IL1RAPL2: variants seen among roughly 807,000 people sequenced by gnomAD.
IL1RAPL2 encodes the protein interleukin 1 receptor accessory protein like 2, also known as X-linked interleukin-1 receptor accessory protein-like 2.
A neutral mutation model predicts 44.1 loss-of-function variants in IL1RAPL2; 3 were observed. That is an observed-to-expected ratio of 0.07 (90% CI 0.03 to 0.18). The LOEUF is 0.18. Among genes scored for constraint, IL1RAPL2 ranks in the 10% least tolerant of loss-of-function variants. The probability of loss-of-function intolerance (pLI) is 1.00; values close to 1 mark genes in which losing one functional copy is unlikely to be tolerated. For missense variants in IL1RAPL2, 391 were observed against 496.4 expected (o/e 0.79, Z 2.02); for synonymous variants, 181 against 178.8 (o/e 1.01, Z -0.10).
At chrX:105,605,997 G>A (rs1569458129) in intron 6 of IL1RAPL2, among the ~76,000 whole-genome samples, 1 of 111,254 alleles carries the variant, frequency 9.0e-6, no homozygotes, top group Admixed American at 9.6e-5. Flanking sequence ...AAAACGACTA[G>A]AAAAATGCAT....
intron 1 of IL1RAPL2, among the ~76,000 whole-genome samples, chrX:104,625,831 A>G (rs776658485): frequency 9.9e-5 from 11 of 111,525 alleles, no homozygotes; most frequent in Admixed American, 3.8e-4. Flanking sequence ...GGGACTCTTA[A>G]TGGTATGACG....
intron 2 of IL1RAPL2, among the ~76,000 whole-genome samples, chrX:104,683,652 A>G (rs946454850): frequency 8.9e-6 from 1 of 112,886 alleles, no homozygotes; most frequent in Non-Finnish European, 1.9e-5. Context: ...TCATGATCCA[A>G]TATTATGGCT....
At chrX:105,053,142 TC>T (rs1439902096) in intron 2 of IL1RAPL2, among the ~76,000 whole-genome samples, 1 of 111,250 alleles carries the variant, frequency 9.0e-6, no homozygotes, top group Non-Finnish European at 1.9e-5. Context: ...CATCAAAACT[TC>T]CTGTACTGCC....
chrX:105,291,758 C>G (rs765898137), intron 5 of IL1RAPL2, among the ~76,000 whole-genome samples: 3 of 111,227 alleles, frequency 2.7e-5, no homozygotes, highest in Non-Finnish European at 5.7e-5. Flanking sequence ...AGCCCAAGGA[C>G]TCCTAGGGCC....
intron 6 of IL1RAPL2, among the ~76,000 whole-genome samples, chrX:105,669,295 T>C (rs2037797119): frequency 9.0e-6 from 1 of 111,654 alleles, no homozygotes; most frequent in African/African-American, 3.3e-5. Flanking sequence ...CTGGGATTCA[T>C]TGGTTCAAGT....
Position 105,015,479 on chromosome X carries a change from T to TA in IL1RAPL2, c.83-179996_83-179995insA, listed in dbSNP as rs1284511757. Reference sequence around the variant, plus strand: ...ATTTAAGTCTTCAATCCATCTTGAGTTAATTTTTGTATAAGGCGTAAAGAA... The same window carrying TA: ...ATTTAAGTCTTCAATCCATCTTGAGTATAATTTTTGTATAAGGCGTAAAGAA... On this transcript the variant is annotated intron_variant, in intron 2 of 10. Transcript: ENST00000372582. Among the ~76,000 whole-genome samples the TA allele has an allele frequency of 7.7e-4, 86 of 112,009 alleles. 1 individual carries two copies. Among genetic ancestry groups the TA allele is most frequent in the African/African-American group, 2.7e-3 (84 of 30,818 alleles).
intron 2 of IL1RAPL2, among the ~76,000 whole-genome samples, chrX:104,863,575 A>G (rs1228967858): frequency 8.9e-6 from 1 of 112,180 alleles, no homozygotes; most frequent in Non-Finnish European, 1.9e-5. Context: ...TTCCTTGCAG[A>G]CAACGGTGGC....
chrX:104,965,358 G>A (rs2030098950), intron 2 of IL1RAPL2, among the ~76,000 whole-genome samples: 1 of 112,002 alleles, frequency 8.9e-6, no homozygotes, highest in Non-Finnish European at 1.9e-5. Flanking sequence ...TATGTAGTCT[G>A]CCTTCATGTA....
At chrX:105,323,378 A>G in intron 5 of IL1RAPL2, among the ~76,000 whole-genome samples, 1 of 111,794 alleles carries the variant, frequency 8.9e-6, no homozygotes, top group South Asian at 3.7e-4. Flanking sequence ...CTGGCTGCCT[A>G]TAACATTTCC....
intron 6 of IL1RAPL2, among the ~76,000 whole-genome samples, chrX:105,489,343 A>G (rs1308134074): frequency 8.9e-6 from 1 of 111,997 alleles, no homozygotes; most frequent in Non-Finnish European, 1.9e-5. Context: ...AATTTTTTCT[A>G]AGTAAAACAA....
intron 6 of IL1RAPL2, among the ~76,000 whole-genome samples, chrX:105,521,624 G>C (rs184337038): frequency 3.1e-4 from 34 of 108,860 alleles, no homozygotes; most frequent in African/African-American, 1.1e-3. Context: ...TTGAATCATG[G>C]GGGCTTCCCC....
At chrX:105,396,107 A>G (rs1434001478) in intron 5 of IL1RAPL2, among the ~76,000 whole-genome samples, 1 of 111,471 alleles carries the variant, frequency 9.0e-6, no homozygotes, top group African/African-American at 3.3e-5. Flanking sequence ...ATTAAAGGTA[A>G]CAGAACTAGT....
intron 2 of IL1RAPL2, among the ~76,000 whole-genome samples, chrX:105,160,104 C>G (rs1024846884): frequency 9.2e-6 from 1 of 108,306 alleles, no homozygotes; most frequent in Non-Finnish European, 1.9e-5. Context: ...ATGATTTGAA[C>G]ATTTGATAAA....
At chrX:105,766,923 A>G (rs1442144312) in intron 10 of IL1RAPL2, 41 bp from the exon 11 acceptor site, 3 of 1,000,097 alleles carry the variant, frequency 3.0e-6, no homozygotes, top group South Asian at 2.1e-5. Context: ...GAGACTGGCA[A>G]TGTCTTTGTT....
intron 2 of IL1RAPL2, among the ~76,000 whole-genome samples, chrX:104,905,843 A>G (rs1923979389): frequency 1.8e-5 from 2 of 110,946 alleles, no homozygotes; most frequent in South Asian, 7.7e-4. Context: ...CTGTGAAGAA[A>G]GTCATTGGTA....
chrX:105,202,836 C>A (rs1556147697), intron 3 of IL1RAPL2, among the ~76,000 whole-genome samples: 1 of 112,039 alleles, frequency 8.9e-6, no homozygotes, highest in African/African-American at 3.2e-5. Flanking sequence ...ATCCTTGCAG[C>A]TAAACTTGGC....
At chrX:105,618,442 A>T (rs376910204) in intron 6 of IL1RAPL2, among the ~76,000 whole-genome samples, 15 of 102,965 alleles carry the variant, frequency 1.5e-4, no homozygotes, top group Admixed American at 4.1e-4. Context: ...AGTTAAATTT[A>T]AAAAAAAAAA....
chrX:105,027,032 G>A (rs544358023), intron 2 of IL1RAPL2, among the ~76,000 whole-genome samples: 2 of 110,993 alleles, frequency 1.8e-5, no homozygotes, highest in African/African-American at 6.5e-5. Context: ...TACCTACAGT[G>A]AACTCATTTT....
chrX:105,544,985 T>G (rs2036779615), intron 6 of IL1RAPL2, among the ~76,000 whole-genome samples: 2 of 111,968 alleles, frequency 1.8e-5, no homozygotes, highest in South Asian at 3.7e-4. Flanking sequence ...ATATAGCAAT[T>G]TAGCAACAGT....
Sources: allele counts gnomAD v4.1 joint callset (sites outside exome capture counted in the v4.1 genomes callset), GRCh38; gene constraint gnomAD v4.1.1; transcripts MANE v1.5; gene names NCBI Gene and HGNC (gene_info 2026-07-23, HGNC 2026-07-21).